The following ATG10 variants were observed in gnomAD, a reference collection of about 807,000 sequenced individuals.
The protein encoded by ATG10 is autophagy related 10, also known as ubiquitin-like-conjugating enzyme ATG10.
Under a neutral mutation model 32.1 loss-of-function variants are expected in ATG10, and 30 were observed. That is an observed-to-expected ratio of 0.94 (90% confidence interval 0.70 to 1.27). The LOEUF (loss-of-function observed/expected upper bound fraction) is 1.27, where lower values mean the gene tolerates loss of function less well. Among genes scored for constraint, ATG10 ranks in the 50% most tolerant of loss-of-function variants. ATG10 has a pLI of 0.00. For missense variants in ATG10, 233 were observed against 262.3 expected (o/e 0.89, Z 0.77); for synonymous variants, 87 against 91.5 (o/e 0.95, Z 0.28).
intron 2 of ATG10, among the ~76,000 whole-genome samples, chr5:82,050,626 A>G (rs1414001476): frequency 2.0e-5 from 3 of 151,856 alleles, no homozygotes; most frequent in African/African-American, 7.3e-5. Context: ...TCTCTGTACT[A>G]TAATAGATGA....
intron 2 of ATG10, among the ~76,000 whole-genome samples, chr5:82,022,884 A>G (rs143767795): frequency 1.7e-4 from 26 of 152,068 alleles, no homozygotes; most frequent in African/African-American, 2.4e-4. Flanking sequence ...CTTAACTCCT[A>G]ACCTATAGTT....
intron 2 of ATG10, among the ~76,000 whole-genome samples, chr5:82,034,562 T>C (rs1243980789): frequency 2.0e-5 from 3 of 152,194 alleles, no homozygotes; most frequent in Non-Finnish European, 2.9e-5. Flanking sequence ...TGACTTCCTA[T>C]TTAGTCTGAG....
chr5:82,016,055 G>A (rs1223098459), intron 2 of ATG10, among the ~76,000 whole-genome samples: 1 of 152,152 alleles, frequency 6.6e-6, no homozygotes, highest in Non-Finnish European at 1.5e-5. Context: ...TTACTCTGCT[G>A]ATTATTTCTT....
At chr5:82,226,142 T>C (rs1054843663) in intron 5 of ATG10, among the ~76,000 whole-genome samples, 4 of 152,252 alleles carry the variant, frequency 2.6e-5, no homozygotes, top group African/African-American at 7.2e-5. Context: ...TTTGTGGGCA[T>C]ATTTAAGTAA....
chr5:82,141,789 G>A (rs1767157971), intron 3 of ATG10, among the ~76,000 whole-genome samples: 1 of 151,072 alleles, frequency 6.6e-6, no homozygotes, highest in Non-Finnish European at 1.5e-5. Context: ...TTCTAACTAG[G>A]GGTTGCAGTT....
At chr5:82,106,930 C>G (rs1306886968) in intron 3 of ATG10, among the ~76,000 whole-genome samples, 1 of 151,916 alleles carries the variant, frequency 6.6e-6, no homozygotes, top group East Asian at 1.9e-4. Context: ...TGATAGCATG[C>G]AGTATAGAAA....
rs1471762364 is a variant in ATG10 at position 82,023,750 on chromosome 5, G to A, written c.109-34745G>A. On this transcript the variant is annotated intron_variant, in intron 2 of 7. Coordinates refer to ENST00000282185, the MANE Select transcript of ATG10 (RefSeq NM_031482.5). The stretch of plus-strand genomic sequence containing the variant: ...CTTGAAAGAAACAAGCCCTTGAAGT[G>A]CACCCGCTGTTTATTCTTTTGCACT... Among the ~76,000 whole-genome samples, 4 of 152,294 alleles carry A rather than the reference G, an allele frequency of 2.6e-5. No individual in the cohort carries two copies. In the East Asian group the frequency reaches 5.8e-4, roughly 22 times the overall value.
At chr5:82,189,349 C>G (rs935995919) in intron 5 of ATG10, among the ~76,000 whole-genome samples, 2 of 152,126 alleles carry the variant, frequency 1.3e-5, no homozygotes, top group Non-Finnish European at 2.9e-5. Context: ...AGGAAACAGA[C>G]AAGATTATCA....
At chr5:82,037,006 C>T (rs1762943129) in intron 2 of ATG10, among the ~76,000 whole-genome samples, 1 of 150,184 alleles carries the variant, frequency 6.7e-6, no homozygotes, top group Non-Finnish European at 1.5e-5. Context: ...TGGTGTGTGC[C>T]TGTAATTCCA....
At chr5:82,186,305 G>A (rs560619746) in intron 5 of ATG10, among the ~76,000 whole-genome samples, 1 of 152,258 alleles carries the variant, frequency 6.6e-6, no homozygotes, top group Admixed American at 6.5e-5. Flanking sequence ...CAGGTTTATG[G>A]CAGCACAATA....
chr5:82,150,526 A>G (rs1214347550), intron 3 of ATG10, among the ~76,000 whole-genome samples: 1 of 152,188 alleles, frequency 6.6e-6, no homozygotes, highest in East Asian at 1.9e-4. Context: ...TTAACATTGC[A>G]AATAGAAAAA....
chr5:82,043,539 C>T (rs1180167792), intron 2 of ATG10, among the ~76,000 whole-genome samples: 1 of 152,242 alleles, frequency 6.6e-6, no homozygotes, highest in Non-Finnish European at 1.5e-5. Context: ...TTTTCTACTG[C>T]AATGGTTGGG....
intron 1 of ATG10, among the ~76,000 whole-genome samples, chr5:81,983,946 G>A (rs372907530): frequency 0.03 from 4,557 of 151,804 alleles, 99 homozygotes; most frequent in Middle Eastern, 0.054. Flanking sequence ...AGATGGGATG[G>A]CGGCCGGGAA....
chr5:82,071,715 G>A (rs769783858), intron 3 of ATG10, among the ~76,000 whole-genome samples: 2 of 152,084 alleles, frequency 1.3e-5, no homozygotes, highest in African/African-American at 2.4e-5. Flanking sequence ...AGAAGGTGAA[G>A]AATGTTAAGT....
At chr5:82,091,385 T>C (rs1764878550) in intron 3 of ATG10, among the ~76,000 whole-genome samples, 1 of 152,152 alleles carries the variant, frequency 6.6e-6, no homozygotes, top group Admixed American at 6.6e-5. Flanking sequence ...CTGCCTTTTT[T>C]TTAGCTTTTT....
At position 82,255,117 on chromosome 5, in the gene ATG10, C is replaced by G. The variant is rs1298427703; in HGVS notation, c.*1054C>G. 6.6e-6 allele frequency: 1 copy of G among 152,180 alleles called. No homozygotes were observed. Among genetic ancestry groups the G allele is most frequent in the Admixed American group, 6.5e-5 (1 of 15,280 alleles). 9.4% of individuals were successfully genotyped at this position (152,180 alleles called of 1,614,324 possible). Reference sequence around the variant, plus strand: ...ATGGTCATTTTACCCCTCTGCTTCTCAACCCCACAGCTGCTCTGCTGTACT... The same window carrying G: ...ATGGTCATTTTACCCCTCTGCTTCTGAACCCCACAGCTGCTCTGCTGTACT... On this transcript the variant is annotated 3_prime_UTR_variant, in exon 8 of 8. Transcript: ENST00000282185.
intron 2 of ATG10, among the ~76,000 whole-genome samples, chr5:82,026,778 G>A (rs187898952): frequency 1.1e-4 from 17 of 152,152 alleles, no homozygotes; most frequent in Non-Finnish European, 2.4e-4. Flanking sequence ...AAATTTACTG[G>A]TGCTGGGTGC....
Position 82,065,702 on chromosome 5 carries a change from TAAC to T in ATG10, c.216+7103_216+7105del, listed in dbSNP as rs577373183. 1.8e-3 allele frequency among the ~76,000 whole-genome samples: 268 copies of T among 152,232 alleles called. 3 individuals are homozygous for T. The highest frequency in any genetic ancestry group is 6.2e-3 in the African/African-American group (258 of 41,554). On this transcript the variant is annotated intron_variant, in intron 3 of 7. Transcript: ENST00000282185. ...TTTAATAGTAGTGAAAAACGTGATTTAACAATTGATCTACTTTAATAAACAGGA... is the reference window on the plus strand; with the variant it reads ...TTTAATAGTAGTGAAAAACGTGATTTAATTGATCTACTTTAATAAACAGGA...
At chr5:82,158,558 A>G (rs1408566183) in intron 3 of ATG10, among the ~76,000 whole-genome samples, 1 of 152,130 alleles carries the variant, frequency 6.6e-6, no homozygotes, top group Non-Finnish European at 1.5e-5. Context: ...GATTTAAAGT[A>G]TGGGAGGATA....
Sources: gnomAD v4.1 joint callset for allele counts (sites outside exome capture counted in the v4.1 genomes callset) on GRCh38, gnomAD v4.1.1 for gene constraint, MANE v1.5 for transcripts, NCBI Gene and HGNC (gene_info 2026-07-23, HGNC 2026-07-21) for gene names.